The following MBNL2 variants were observed in gnomAD, a reference collection of about 807,000 sequenced individuals.
The protein encoded by MBNL2 is muscleblind-like protein 2.
Under a neutral mutation model 41.9 loss-of-function variants are expected in MBNL2, and 17 were observed. The ratio of observed to expected loss-of-function variants is 0.41; its 90% CI spans 0.28 to 0.61. The LOEUF (loss-of-function observed/expected upper bound fraction) is 0.61, where lower values mean the gene tolerates loss of function less well. Ranked by LOEUF, MBNL2 falls within the 20% of genes least tolerant of loss-of-function variation. The pLI is 0.35. For missense variants in MBNL2, 336 were observed against 505.6 expected (o/e 0.66, Z 3.22); for synonymous variants, 195 against 182.9 (o/e 1.07, Z -0.53).
intron 2 of MBNL2, among the ~76,000 whole-genome samples, chr13:97,314,310 T>C (rs61710613): frequency 0.04 from 6,120 of 152,288 alleles, 389 homozygotes; most frequent in African/African-American, 0.14. Flanking sequence ...AGATCTTCTT[T>C]GTTCATCCTA....
chr13:97,270,488 A>C (rs567587677), intron 1 of MBNL2, among the ~76,000 whole-genome samples: 1 of 152,350 alleles, frequency 6.6e-6, no homozygotes, highest in African/African-American at 2.4e-5. Flanking sequence ...TAAAATTAAA[A>C]AAGTAAATTT....
chr13:97,178,912 A>T, the MBNL2 span, among the ~76,000 whole-genome samples: 1 of 152,196 alleles, frequency 6.6e-6, no homozygotes, highest in African/African-American at 2.4e-5. Context: ...CACAAAAACA[A>T]AAAAGAAATA....
the MBNL2 span, among the ~76,000 whole-genome samples, chr13:97,210,366 G>A: frequency 7.2e-5 from 11 of 152,156 alleles, no homozygotes; most frequent in East Asian, 1.2e-3. Context: ...AGAACATGAC[G>A]GTTAGTGTGT....
At chr13:97,204,340 T>A in the MBNL2 span, among the ~76,000 whole-genome samples, 1 of 152,216 alleles carries the variant, frequency 6.6e-6, no homozygotes, top group Admixed American at 6.5e-5. Context: ...GGACTTGAAT[T>A]TAGTGCCTTG....
chr13:97,267,151 C>T (rs538526824), intron 1 of MBNL2, among the ~76,000 whole-genome samples: 1 of 152,296 alleles, frequency 6.6e-6, no homozygotes, highest in South Asian at 2.1e-4. Flanking sequence ...GGTCCACAGC[C>T]CCAGCTTGTC....
At chr13:97,213,895 A>G in the MBNL2 span, among the ~76,000 whole-genome samples, 1 of 145,524 alleles carries the variant, frequency 6.9e-6, no homozygotes, top group African/African-American at 2.7e-5. Context: ...TCACACTACA[A>G]TAACACACAT....
At chr13:97,363,285 A>G (rs916096437) in intron 7 of MBNL2, among the ~76,000 whole-genome samples, 1 of 152,140 alleles carries the variant, frequency 6.6e-6, no homozygotes, top group African/African-American at 2.4e-5. Flanking sequence ...CATGAAGTGA[A>G]TGATACACCA....
At chr13:97,383,872 A>G (rs926335941) in intron 8 of MBNL2, among the ~76,000 whole-genome samples, 4 of 151,984 alleles carry the variant, frequency 2.6e-5, no homozygotes, top group Non-Finnish European at 5.9e-5. Flanking sequence ...TTCATATACT[A>G]CTGATGATCT....
At position 97,291,063 on chromosome 13, in the gene MBNL2, C is replaced by G. The variant is rs374261534; in HGVS notation, c.174+14654C>G. Reference sequence around the variant, plus strand: ...GAGTACAGGGATGACAGGCTCTGATCTGTCTTATGGGAAGGCCAGTCAGCC... The same window carrying G: ...GAGTACAGGGATGACAGGCTCTGATGTGTCTTATGGGAAGGCCAGTCAGCC... On this transcript the variant is annotated intron_variant, in intron 2 of 8. Transcript: ENST00000679496. Among the ~76,000 whole-genome samples, 11 of 152,164 alleles carry G rather than the reference C, an allele frequency of 7.2e-5. No homozygotes were observed. In the East Asian group the frequency reaches 2.1e-3, roughly 30 times the overall value.
the MBNL2 span, among the ~76,000 whole-genome samples, chr13:97,184,543 C>T: frequency 2.0e-5 from 3 of 152,196 alleles, no homozygotes; most frequent in African/African-American, 7.2e-5. Context: ...GATTTCCAGG[C>T]ATGATCTTGG....
In MBNL2 at chr13:97,360,225, G is replaced by A. The variant is rs112715751; in HGVS notation, c.1012+2590G>A. ...TTTGTTTTAACCATTCATAGTTAAA[G>A]CTTTTGATATGATACTAAAATTCTC... On this transcript the variant is annotated intron_variant, in intron 7 of 8. Transcript: ENST00000679496. 2.1e-3 allele frequency among the ~76,000 whole-genome samples: 315 copies of A among 152,234 alleles called. 1 individual carries two copies. Among genetic ancestry groups the A allele is most frequent in the Non-Finnish European group, 3.5e-3 (240 of 68,016 alleles).
Position 97,346,291 on chromosome 13 carries a change from G to A in MBNL2, c.541-513G>A, listed in dbSNP as rs1032181808. ...TGGATGGATAGATGGATGGGTGGATGGATAGATAGATGGATAATAGATAAT... is the reference window on the plus strand; with the variant it reads ...TGGATGGATAGATGGATGGGTGGATAGATAGATAGATGGATAATAGATAAT... On this transcript the variant is annotated intron_variant, in intron 4 of 8. Transcript: ENST00000679496. The surrounding 1 kb of genome is among the most constrained non-coding windows in gnomAD (Gnocchi z 4.2). 3.3e-5 allele frequency among the ~76,000 whole-genome samples: 5 copies of A among 152,082 alleles called. No individual in the cohort carries two copies. Among genetic ancestry groups the A allele is most frequent in the East Asian group, 3.9e-4 (2 of 5,180 alleles).
chr13:97,382,241 G>A (rs2065519859), intron 8 of MBNL2, among the ~76,000 whole-genome samples: 1 of 152,208 alleles, frequency 6.6e-6, no homozygotes, highest in African/African-American at 2.4e-5. Context: ...AGACAGCCAT[G>A]GCCTTGGTGG....
chr13:97,392,968 T>C lies in MBNL2; in HGVS notation c.*1519T>C, dbSNP rs2066419764. ...AAAACTAGATGCACCAACCGTATCA[T>C]TATTTGTTTGAGGAAAAAAAGAAAT... On this transcript the variant is annotated 3_prime_UTR_variant, in exon 9 of 9. Transcript: ENST00000679496. 1 of 152,502 alleles carries C rather than the reference T, an allele frequency of 6.6e-6. No homozygotes were observed. The highest frequency in any genetic ancestry group is 1.5e-5 in the Non-Finnish European group (1 of 67,936). The allele number at this position is 152,502 out of a possible 1,614,324, so 9.4% of individuals were successfully genotyped here.
intron 2 of MBNL2, among the ~76,000 whole-genome samples, chr13:97,280,795 C>A (rs1275319987): frequency 3.9e-5 from 6 of 152,258 alleles, no homozygotes. Flanking sequence ...GTTTGGAATA[C>A]TCTTGCCTCA....
intron 1 of MBNL2, among the ~76,000 whole-genome samples, chr13:97,259,523 TCCATGCATGTCCC>T (rs1344808858): frequency 6.6e-6 from 1 of 152,146 alleles, no homozygotes; most frequent in Non-Finnish European, 1.5e-5. Flanking sequence ...GAAAATGGGC[TCCATGCATGTCCC>T]CCTTCCCCCG....
At chr13:97,339,814 T>C (rs2061278197) in intron 3 of MBNL2, among the ~76,000 whole-genome samples, 1 of 143,888 alleles carries the variant, frequency 6.9e-6, no homozygotes, top group Non-Finnish European at 1.5e-5. Context: ...TGTGCAACTC[T>C]CCACCAAACG....
chr13:97,281,777 A>G (rs532330964), intron 2 of MBNL2, among the ~76,000 whole-genome samples: 56 of 152,344 alleles, frequency 3.7e-4, no homozygotes, highest in Admixed American at 1.3e-3. Context: ...CTTTTCGTGC[A>G]TTATCTATTC....
At chr13:97,378,536 A>G (rs1001105191) in intron 8 of MBNL2, among the ~76,000 whole-genome samples, 1 of 152,198 alleles carries the variant, frequency 6.6e-6, no homozygotes, top group Non-Finnish European at 1.5e-5. Context: ...ATTAACATGA[A>G]TTGACAGTCA....
Sources: gnomAD v4.1 joint callset for allele counts (sites outside exome capture counted in the v4.1 genomes callset) on GRCh38, gnomAD v4.1.1 for gene constraint, Gnocchi (gnomAD v3.1) non-coding constraint, MANE v1.5 for transcripts, NCBI Gene and HGNC (gene_info 2026-07-23, HGNC 2026-07-21) for gene names.